DPP8: variants seen among roughly 807,000 people sequenced by gnomAD.
DPP8 encodes the protein DPP VIII.
Under a neutral mutation model 107.5 loss-of-function variants are expected in DPP8, and 31 were observed. The ratio of observed to expected loss-of-function variants is 0.29; its 90% CI spans 0.22 to 0.39. DPP8 has a LOEUF of 0.39. Among genes scored for constraint, DPP8 ranks in the 10% least tolerant of loss-of-function variants. The pLI is 1.00. For missense variants in DPP8, 842 were observed against 1,076.1 expected (o/e 0.78, Z 3.04); for synonymous variants, 381 against 356.6 (o/e 1.07, Z -0.77).
chr15:65,495,670 G>A (rs1284325143), intron 5 of DPP8, among the ~76,000 whole-genome samples: 1 of 151,598 alleles, frequency 6.6e-6, no homozygotes, highest in Non-Finnish European at 1.5e-5. Flanking sequence ...GGAGGCCGAG[G>A]TGGGTGTATC....
intron 4 of DPP8, among the ~76,000 whole-genome samples, chr15:65,499,059 C>A (rs915787144): frequency 1.0e-4 from 13 of 130,448 alleles, no homozygotes; most frequent in African/African-American, 1.3e-4. Flanking sequence ...TTGTCTCCCC[C>A]CCAAAAAAAA....
Position 65,484,301 on chromosome 15 carries a change from G to A in DPP8, c.1017+798C>T, listed in dbSNP as rs189350449. Among the ~76,000 whole-genome samples, 299 of 151,532 alleles carry A rather than the reference G, an allele frequency of 2.0e-3. 1 individual carries two copies. The highest frequency in any genetic ancestry group is 7.0e-3 in the African/African-American group (289 of 41,194). On this transcript the variant is annotated intron_variant, in intron 8 of 19. Coordinates refer to ENST00000300141, the MANE Select transcript of DPP8 (RefSeq NM_130434.5). ...AGATCACGCCACTGCACTCCAGCCCGGGTGACAGTGCAAGACTCTGTCTCA... is the reference window on the plus strand; with the variant it reads ...AGATCACGCCACTGCACTCCAGCCCAGGTGACAGTGCAAGACTCTGTCTCA...
chr15:65,489,888 T>C (rs1054710143), intron 6 of DPP8, among the ~76,000 whole-genome samples: 2 of 151,958 alleles, frequency 1.3e-5, no homozygotes, highest in Non-Finnish European at 2.9e-5. Flanking sequence ...CGGCTAATTT[T>C]TTGTATTTTT....
chr15:65,460,907 G>A (rs2064865654), intron 15 of DPP8, among the ~76,000 whole-genome samples: 1 of 152,192 alleles, frequency 6.6e-6, no homozygotes, highest in Non-Finnish European at 1.5e-5. Flanking sequence ...ATGCCATACT[G>A]TTTTCCACAG....
intron 5 of DPP8, among the ~76,000 whole-genome samples, chr15:65,495,507 G>A (rs533469586): frequency 6.6e-6 from 1 of 152,086 alleles, no homozygotes; most frequent in South Asian, 2.1e-4. Context: ...AGGAGGCTGA[G>A]GGATGAGAAT....
chr15:65,507,218 T>G (rs747410700), intron 3 of DPP8, 25 bp downstream of exon 3: 2 of 1,385,724 alleles, frequency 1.4e-6, no homozygotes, highest in Non-Finnish European at 2.0e-6. Flanking sequence ...CACCAAATCA[T>G]AGGAATAACA....
intron 12 of DPP8, among the ~76,000 whole-genome samples, chr15:65,470,519 T>C (rs1048581658): frequency 6.7e-6 from 1 of 149,586 alleles, no homozygotes; most frequent in Non-Finnish European, 1.5e-5. Context: ...GGCAGGAGAA[T>C]TGCTTGAACC....
chr15:65,474,286 C>T lies in DPP8; in HGVS notation c.1459G>A (p.Asp487Asn). Residue 487 changes from aspartate (D) to asparagine (N), a missense_variant and splice_region_variant, in exon 12 of 20, where the codon GAT becomes AAT. Asp to Asn is a conservative substitution (Grantham distance 23). Coordinates refer to ENST00000300141, the MANE Select transcript of DPP8 (RefSeq NM_130434.5). The stretch of plus-strand genomic sequence containing the variant: ...TCCTCTTTGATAGGACACTTGAAAT[C>T]ACCTGAAGATAAATATAATTATAAT... ...RSSGGLPAPS[D>N]FKCPIKEEIA... The T allele has an allele frequency of 6.3e-7, 1 of 1,597,632 alleles. No homozygotes were observed. Among genetic ancestry groups the T allele is most frequent in the Non-Finnish European group, 8.6e-7 (1 of 1,165,164 alleles).
chr15:65,492,426 G>T (rs1300500911), intron 5 of DPP8, among the ~76,000 whole-genome samples: 1 of 152,068 alleles, frequency 6.6e-6, no homozygotes, highest in Non-Finnish European at 1.5e-5. Context: ...GGTTAGTGTG[G>T]TAAGTGTGTG....
chr15:65,474,106 G>A (rs2066168711), intron 12 of DPP8, 103 bp downstream of exon 12: 1 of 858,234 alleles, frequency 1.2e-6, no homozygotes, highest in Non-Finnish European at 1.9e-6. Flanking sequence ...CTCTGTCTCG[G>A]AAAAAAAAAT....
Position 65,463,858 on chromosome 15 carries a change from G to C in DPP8, c.1874C>G (p.Thr625Ser), listed in dbSNP as rs142999124. The part of the protein sequence containing the change: ...TPPEIFSFES[T>S]TGFTLYGMLY... ...CATCCCATACAATGTAAATCCAGTA[G>C]TACTTTCAAAAGAGAAAATTTCTGG... Residue 625 changes from threonine (T) to serine (S), a missense_variant, in exon 15 of 20, where the codon ACT becomes AGT. Transcript: ENST00000300141. 6.3e-7 allele frequency: 1 copy of C among 1,598,120 alleles called. No individual in the cohort carries two copies. The highest frequency in any genetic ancestry group is 1.4e-5 in the African/African-American group (1 of 73,922).
chr15:65,498,896 A>AT (rs887495815), intron 4 of DPP8, among the ~76,000 whole-genome samples: 2 of 151,950 alleles, frequency 1.3e-5, no homozygotes, highest in African/African-American at 4.8e-5. Context: ...TCTAAAAAAA[A>AT]TTTTTTAAAT....
chr15:65,498,083 G>T, intron 4 of DPP8, 51 bp from the exon 5 acceptor site: 1 of 1,305,968 alleles, frequency 7.7e-7, no homozygotes, highest in Non-Finnish European at 1.0e-6. Flanking sequence ...ACACATACAT[G>T]TTCCAGCACC....
intron 16 of DPP8, 126 bp downstream of exon 16, chr15:65,456,099 A>AAC (rs1161855058): frequency 8.9e-7 from 1 of 1,120,166 alleles, no homozygotes; most frequent in Non-Finnish European, 1.2e-6. Context: ...CCCAAACTCT[A>AAC]ACACATACAC....
At chr15:65,476,540 C>T (rs2066405233) in intron 11 of DPP8, among the ~76,000 whole-genome samples, 1 of 152,126 alleles carries the variant, frequency 6.6e-6, no homozygotes. Flanking sequence ...CAAATTAAAA[C>T]CCTGTGCACT....
At position 65,451,007 on chromosome 15, in the gene DPP8, C is replaced by A; in HGVS notation, c.2518G>T (p.Asp840Tyr). Residue 840 changes from aspartate (D) to tyrosine (Y), a missense_variant, in exon 19 of 20, where the codon GAT becomes TAT. Transcript: ENST00000300141. ...AATGTAGAGTAACTCACCTGTAAAT[C>A]ATATGGCTTTCCAGCCCTCACTAAA... ...SFLVRAGKPY[D>Y]LQIYPQERHS... is the part of the protein sequence containing the mutation. 6.4e-7 allele frequency: 1 copy of A among 1,572,480 alleles called. No individual in the cohort carries two copies. The highest frequency in any genetic ancestry group is 1.1e-5 in the South Asian group (1 of 89,638).
chr15:65,489,747 T>G (rs191781318), intron 6 of DPP8, among the ~76,000 whole-genome samples: 1 of 151,648 alleles, frequency 6.6e-6, no homozygotes, highest in East Asian at 2.0e-4. Flanking sequence ...GACAAAGTTT[T>G]GCTCTCATTG....
At chr15:65,469,490 T>C (rs2065657472) in intron 12 of DPP8, among the ~76,000 whole-genome samples, 1 of 150,730 alleles carries the variant, frequency 6.6e-6, no homozygotes, top group African/African-American at 2.4e-5. Flanking sequence ...CCATCTCTAC[T>C]AAAAACACAA....
chr15:65,461,666 G>A (rs949240559), intron 15 of DPP8, among the ~76,000 whole-genome samples: 6 of 151,292 alleles, frequency 4.0e-5, no homozygotes, highest in African/African-American at 1.5e-4. Flanking sequence ...GCAGTGGTAC[G>A]ATCTTGGCTC....
Sources: allele counts gnomAD v4.1 joint callset (sites outside exome capture counted in the v4.1 genomes callset), GRCh38; gene constraint gnomAD v4.1.1; transcripts MANE v1.5; gene names NCBI Gene and HGNC (gene_info 2026-07-23, HGNC 2026-07-21).